The following ICA1 variants were observed in gnomAD, a reference collection of about 807,000 sequenced individuals.
ICA1 encodes the protein islet cell autoantigen 1.
A neutral mutation model predicts 71.0 loss-of-function variants in ICA1; 40 were observed. That is an observed-to-expected ratio of 0.56 (90% CI 0.44 to 0.73). ICA1 has a LOEUF of 0.73. Among genes scored for constraint, ICA1 ranks in the 30% least tolerant of loss-of-function variants. The pLI is 0.00. For missense variants in ICA1, 578 were observed against 576.5 expected, an observed-to-expected ratio of 1.00 and a Z score of -0.03; for synonymous variants, 207 against 209.5, an observed-to-expected ratio of 0.99 and a Z score of 0.10.
At chr7:8,146,061 C>T (rs28379139) in intron 8 of ICA1, among the ~76,000 whole-genome samples, 1,818 of 152,212 alleles carry the variant, frequency 0.012, 36 homozygotes, top group African/African-American at 0.041. Flanking sequence ...TATTTCTGGA[C>T]ATTTAGATTA....
In ICA1 at chr7:8,119,713, G is replaced by C. The variant is rs559965261; in HGVS notation, c.1331-5669C>G. On this transcript the variant is annotated intron_variant, in intron 13 of 13. Coordinates refer to ENST00000402384, the MANE Select transcript of ICA1 (RefSeq NM_001136020.3). ...AGACAAAAATTAGCCGGGTGTGGTG[G>C]CGGGCACCTGTAATCCTAGCTACTC... Among the ~76,000 whole-genome samples the C allele has an allele frequency of 2.9e-3, 435 of 152,270 alleles. 1 individual carries two copies. The highest frequency in any genetic ancestry group is 1.0e-2 in the African/African-American group (415 of 41,540).
At chr7:8,215,444 C>T (rs1024837301) in intron 6 of ICA1, among the ~76,000 whole-genome samples, 1 of 151,972 alleles carries the variant, frequency 6.6e-6, no homozygotes, top group African/African-American at 2.4e-5. Flanking sequence ...CACGTGCCAC[C>T]ATAGACACTA....
At chr7:8,118,632 G>A (rs1189912097) in intron 13 of ICA1, among the ~76,000 whole-genome samples, 1 of 152,200 alleles carries the variant, frequency 6.6e-6, no homozygotes, top group Non-Finnish European at 1.5e-5. Flanking sequence ...AGTGGTAAAT[G>A]TGGAAAGTTA....
intron 13 of ICA1, among the ~76,000 whole-genome samples, chr7:8,124,746 C>T (rs1229705239): frequency 2.6e-5 from 4 of 151,864 alleles, no homozygotes; most frequent in South Asian, 2.1e-4. Context: ...CAGCTGTTTG[C>T]ATGCAAAGGA....
Position 8,113,887 on chromosome 7 carries a change from G to T in ICA1, c.*36C>A. 1.2e-6 allele frequency: 2 copies of T among 1,612,840 alleles called. No homozygotes were observed. The highest frequency in any genetic ancestry group is 1.7e-6 in the Non-Finnish European group (2 of 1,178,962). ...TGCTAGCCCCCAGGGGAGCTGCTGG[G>T]GGCGGCATGTGAGTGCCCTCCCGAA... is the stretch of plus-strand genomic sequence containing the variant. On this transcript the variant is annotated 3_prime_UTR_variant, in exon 14 of 14. Transcript: ENST00000402384. This position sits in a 1 kb window ranked among gnomAD's most constrained non-coding sequence, Gnocchi z 4.2.
At chr7:8,157,413 C>G (rs1436010441) in intron 7 of ICA1, 199 bp from the exon 8 acceptor site, 2 of 555,438 alleles carry the variant, frequency 3.6e-6, no homozygotes, top group Non-Finnish European at 6.1e-6. Flanking sequence ...CAAATGCTGC[C>G]TCCCAGAACT....
intron 1 of ICA1, among the ~76,000 whole-genome samples, chr7:8,241,137 A>C (rs1330755129): frequency 6.6e-6 from 1 of 152,200 alleles, no homozygotes; most frequent in Non-Finnish European, 1.5e-5. Context: ...GTTGAAATGA[A>C]GGAAAAAATG....
chr7:8,167,053 ACAG>A (rs1382901474), intron 6 of ICA1, among the ~76,000 whole-genome samples: 2 of 152,230 alleles, frequency 1.3e-5, no homozygotes, highest in African/African-American at 4.8e-5. Flanking sequence ...GCCTTTGGGA[ACAG>A]CAGTTTGGTG....
intron 6 of ICA1, among the ~76,000 whole-genome samples, chr7:8,174,313 T>A (rs1018174005): frequency 1.3e-5 from 2 of 152,168 alleles, no homozygotes; most frequent in African/African-American, 4.8e-5. Flanking sequence ...AAACTGACTT[T>A]TGAAAAGGTA....
intron 4 of ICA1, among the ~76,000 whole-genome samples, chr7:8,224,722 T>C (rs968795608): frequency 6.6e-6 from 1 of 152,200 alleles, no homozygotes. Context: ...GGATCCAATC[T>C]AGGGTCTCAC....
chr7:8,213,184 G>C (rs978906266), intron 6 of ICA1, among the ~76,000 whole-genome samples: 1 of 152,114 alleles, frequency 6.6e-6, no homozygotes, highest in African/African-American at 2.4e-5. Flanking sequence ...ATTTAAGAGA[G>C]CATTAGTTTT....
At chr7:8,181,411 G>T (rs1468555115) in intron 6 of ICA1, among the ~76,000 whole-genome samples, 1 of 152,094 alleles carries the variant, frequency 6.6e-6, no homozygotes, top group African/African-American at 2.4e-5. Context: ...ATCTGTAAAT[G>T]TAAGTCCTCT....
intron 1 of ICA1, among the ~76,000 whole-genome samples, chr7:8,249,735 T>C (rs80032351): frequency 0.015 from 2,343 of 152,364 alleles, 17 homozygotes; most frequent in Middle Eastern, 0.031. Flanking sequence ...TTCCATACAC[T>C]AAAACTTACA....
chr7:8,241,367 A>T (rs1803809758), intron 1 of ICA1, among the ~76,000 whole-genome samples: 1 of 152,246 alleles, frequency 6.6e-6, no homozygotes, highest in Non-Finnish European at 1.5e-5. Context: ...GCAAATGCTG[A>T]GAGATTTTTG....
At chr7:8,167,357 G>C (rs570481589) in intron 6 of ICA1, among the ~76,000 whole-genome samples, 61 of 152,186 alleles carry the variant, frequency 4.0e-4, no homozygotes, top group Admixed American at 7.2e-4. Context: ...ATTATCCTAA[G>C]TGAACTAACA....
At chr7:8,200,465 TA>T (rs1183551703) in intron 6 of ICA1, among the ~76,000 whole-genome samples, 1 of 150,298 alleles carries the variant, frequency 6.7e-6, no homozygotes, top group Non-Finnish European at 1.5e-5. Flanking sequence ...GAAGTGGCCA[TA>T]AGTTGACATG....
intron 12 of ICA1, among the ~76,000 whole-genome samples, chr7:8,137,051 C>CCCT (rs1454669713): frequency 7.1e-6 from 1 of 140,180 alleles, no homozygotes; most frequent in Non-Finnish European, 1.6e-5. Flanking sequence ...AGCCAAGAAC[C>CCCT]TTTTTTTTTT....
chr7:8,231,289 C>T (rs1297984141), intron 3 of ICA1, among the ~76,000 whole-genome samples: 2 of 151,776 alleles, frequency 1.3e-5, no homozygotes, highest in Non-Finnish European at 2.9e-5. Flanking sequence ...GCAATGTAAG[C>T]GTGTGGGAGA....
chr7:8,215,699 A>G (rs1795189663), intron 6 of ICA1, among the ~76,000 whole-genome samples: 1 of 152,258 alleles, frequency 6.6e-6, no homozygotes, highest in African/African-American at 2.4e-5. Flanking sequence ...GGTATGAATT[A>G]GAATTTTGTC....
Sources: allele counts gnomAD v4.1 joint callset (sites outside exome capture counted in the v4.1 genomes callset), GRCh38; gene constraint gnomAD v4.1.1; non-coding constraint Gnocchi (gnomAD v3.1); transcripts MANE v1.5; gene names NCBI Gene and HGNC (gene_info 2026-07-23, HGNC 2026-07-21).